Variants in MBNL2 observed in about 807,000 individuals in gnomAD.
MBNL2 encodes muscleblind like splicing regulator 2.
Under a neutral mutation model 41.9 loss-of-function variants are expected in MBNL2, and 17 were observed. The observed-to-expected ratio is 0.41, with a 90% CI of 0.28 to 0.61. MBNL2 has a LOEUF of 0.61. Among genes scored for constraint, MBNL2 ranks in the 20% least tolerant of loss-of-function variants. MBNL2 has a pLI of 0.35. For missense variants in MBNL2, 336 were observed against 505.6 expected, an observed-to-expected ratio of 0.66 and a Z score of 3.22; for synonymous variants, 195 against 182.9, an observed-to-expected ratio of 1.07 and a Z score of -0.53.
chr13:97,292,489 T>C (rs1375306498), intron 2 of MBNL2, among the ~76,000 whole-genome samples: 4 of 152,238 alleles, frequency 2.6e-5, no homozygotes, highest in Admixed American at 2.6e-4. Context: ...TTGGTTCGTC[T>C]TGAGATTGGC....
At chr13:97,329,826 AACACACACACACAC>A (rs60899519) in intron 2 of MBNL2, among the ~76,000 whole-genome samples, 1 of 149,520 alleles carries the variant, frequency 6.7e-6, no homozygotes, top group African/African-American at 2.5e-5. Flanking sequence ...ATACACATGC[AACACACACACACAC>A]ACACACACTT....
At chr13:97,281,075 A>G (rs2053306115) in intron 2 of MBNL2, among the ~76,000 whole-genome samples, 1 of 152,062 alleles carries the variant, frequency 6.6e-6, no homozygotes, top group Non-Finnish European at 1.5e-5. Context: ...TGTTGTGATC[A>G]CTCTTGTATT....
intron 8 of MBNL2, among the ~76,000 whole-genome samples, chr13:97,382,283 A>C (rs2065525057): frequency 6.6e-6 from 1 of 152,210 alleles, no homozygotes; most frequent in Non-Finnish European, 1.5e-5. Flanking sequence ...CAACCATTTT[A>C]TTTAGTTTGT....
At chr13:97,249,131 G>A (rs1253665256) in intron 1 of MBNL2, among the ~76,000 whole-genome samples, 2 of 152,166 alleles carry the variant, frequency 1.3e-5, no homozygotes, top group African/African-American at 4.8e-5. Flanking sequence ...TGTGATATAT[G>A]ATATGCCTAC....
At chr13:97,175,982 C>T in the MBNL2 span, among the ~76,000 whole-genome samples, 5 of 152,176 alleles carry the variant, frequency 3.3e-5, no homozygotes, top group Admixed American at 3.3e-4. Context: ...GCTCTGCACA[C>T]ACTGAATACT....
upstream of MBNL2, among the ~76,000 whole-genome samples, chr13:97,218,783 A>C (rs1202401903): frequency 9.9e-5 from 15 of 151,950 alleles, no homozygotes; most frequent in Admixed American, 6.6e-4. Context: ...GAAGAGAAAA[A>C]AGAAAAAAGA....
chr13:97,305,956 G>A (rs2058084702), intron 2 of MBNL2, among the ~76,000 whole-genome samples: 1 of 152,276 alleles, frequency 6.6e-6, no homozygotes, highest in South Asian at 2.1e-4. Context: ...CAGAACAAAT[G>A]TGTTAATTCC....
chr13:97,152,656 C>T, the MBNL2 span, among the ~76,000 whole-genome samples: 3 of 152,082 alleles, frequency 2.0e-5, no homozygotes, highest in Admixed American at 6.6e-5. Flanking sequence ...GGTATGATTT[C>T]GAATACACTA....
At chr13:97,364,537 T>C (rs2063695524) in intron 7 of MBNL2, among the ~76,000 whole-genome samples, 1 of 152,234 alleles carries the variant, frequency 6.6e-6, no homozygotes. Context: ...CATCCTGCCC[T>C]GCAAGCTTCT....
intron 2 of MBNL2, 92 bp downstream of exon 2, chr13:97,276,501 T>C: frequency 8.2e-7 from 1 of 1,225,708 alleles, no homozygotes; most frequent in African/African-American, 1.5e-5. Context: ...GTTTAAAAAT[T>C]GCTTTTAGAT....
the MBNL2 span, among the ~76,000 whole-genome samples, chr13:97,148,750 G>A: frequency 6.6e-6 from 1 of 152,192 alleles, no homozygotes; most frequent in African/African-American, 2.4e-5. Context: ...GGTATACCTT[G>A]TATTTTCAGA....
At chr13:97,379,140 T>G (rs1220728984) in intron 8 of MBNL2, among the ~76,000 whole-genome samples, 2 of 152,252 alleles carry the variant, frequency 1.3e-5, no homozygotes, top group Non-Finnish European at 2.9e-5. Context: ...TTGAAAAGTT[T>G]TGACTAGTTG....
At chr13:97,266,006 C>A (rs2049701002) in intron 1 of MBNL2, among the ~76,000 whole-genome samples, 1 of 152,006 alleles carries the variant, frequency 6.6e-6, no homozygotes, top group Non-Finnish European at 1.5e-5. Context: ...CTTTGGGAGG[C>A]CGAGGTGGGT....
intron 1 of MBNL2, among the ~76,000 whole-genome samples, chr13:97,258,928 G>A (rs1204801995): frequency 6.6e-6 from 1 of 152,176 alleles, no homozygotes; most frequent in Non-Finnish European, 1.5e-5. Context: ...CAGGCCAGAG[G>A]AAGGCCTGCT....
At chr13:97,186,170 G>A in the MBNL2 span, among the ~76,000 whole-genome samples, 1 of 152,204 alleles carries the variant, frequency 6.6e-6, no homozygotes, top group Admixed American at 6.5e-5. Context: ...ACGGTTTCCA[G>A]ATGGGTAAAT....
At chr13:97,234,142 A>G (rs1036317725) in intron 1 of MBNL2, among the ~76,000 whole-genome samples, 2 of 152,196 alleles carry the variant, frequency 1.3e-5, no homozygotes. Context: ...TGGCGCATAC[A>G]AGCCATAACA....
chr13:97,167,460 C>A, the MBNL2 span, among the ~76,000 whole-genome samples: 2 of 151,152 alleles, frequency 1.3e-5, no homozygotes, highest in African/African-American at 4.9e-5. Context: ...ATAGGAAAAC[C>A]TAGAAAGTAA....
At chr13:97,203,970 A>G in the MBNL2 span, among the ~76,000 whole-genome samples, 2 of 152,146 alleles carry the variant, frequency 1.3e-5, no homozygotes, top group African/African-American at 2.4e-5. Context: ...GGATGGTTGG[A>G]TGGATGGATG....
At chr13:97,156,845 G>C in the MBNL2 span, among the ~76,000 whole-genome samples, 1 of 152,180 alleles carries the variant, frequency 6.6e-6, no homozygotes, top group African/African-American at 2.4e-5. Context: ...CTCCAGCTTT[G>C]TTCTTTTGGC....
Sources: gnomAD v4.1 joint callset for allele counts (sites outside exome capture counted in the v4.1 genomes callset) on GRCh38, gnomAD v4.1.1 for gene constraint, MANE v1.5 for transcripts, NCBI Gene and HGNC (gene_info 2026-07-23, HGNC 2026-07-21) for gene names.